Variants in DKK2 observed in about 807,000 individuals in gnomAD.
DKK2 encodes dickkopf-related protein 2.
In DKK2, 11 loss-of-function variants were observed where a neutral mutation model predicts 28.1. That is an observed-to-expected ratio of 0.39 (90% confidence interval 0.25 to 0.65). The LOEUF (loss-of-function observed/expected upper bound fraction) is 0.65. Ranked by LOEUF, DKK2 falls within the 30% of genes least tolerant of loss-of-function variation. The pLI is 0.47. For synonymous variants in DKK2, 135 were observed against 126.5 expected, an observed-to-expected ratio of 1.07 and a Z score of -0.45; for missense variants, 326 against 335.5, an observed-to-expected ratio of 0.97 and a Z score of 0.22.
intron 1 of DKK2, among the ~76,000 whole-genome samples, chr4:106,950,568 GTTCT>G (rs779241822): frequency 5.9e-5 from 9 of 151,766 alleles, no homozygotes; most frequent in Non-Finnish European, 1.2e-4. Flanking sequence ...GTGCTTCTAG[GTTCT>G]TTCTTACTAC....
intron 1 of DKK2, among the ~76,000 whole-genome samples, chr4:106,929,944 G>A (rs897731980): frequency 1.3e-5 from 2 of 152,112 alleles, no homozygotes; most frequent in Admixed American, 6.6e-5. Flanking sequence ...TTAATAGTGA[G>A]AGTTTAAAGG....
At chr4:106,925,757 TGAAAA>T (rs1434211208) in intron 2 of DKK2, 37 bp downstream of exon 2, 1 of 1,570,380 alleles carries the variant, frequency 6.4e-7, no homozygotes, top group Admixed American at 1.9e-5. Context: ...CTTATGATGA[TGAAAA>T]GAAAGAGGCC....
chr4:106,958,502 T>A (rs1454364291), intron 1 of DKK2, among the ~76,000 whole-genome samples: 1 of 152,018 alleles, frequency 6.6e-6, no homozygotes, highest in Admixed American at 6.6e-5. Flanking sequence ...TATGGGGGCA[T>A]GCCAAGCAGT....
chr4:106,962,489 CTATGTGTG>C (rs1425434964), intron 1 of DKK2, among the ~76,000 whole-genome samples: 23 of 112,990 alleles, frequency 2.0e-4, no homozygotes, highest in African/African-American at 4.1e-4. Context: ...GCCAGAAAAA[CTATGTGTG>C]TGTGTGTGTG....
intron 1 of DKK2, among the ~76,000 whole-genome samples, chr4:107,030,210 T>C (rs1353101497): frequency 6.6e-6 from 1 of 152,124 alleles, no homozygotes; most frequent in Non-Finnish European, 1.5e-5. Context: ...ATCGACTGAC[T>C]TCTTTGAAAG....
chr4:106,942,017 A>T (rs1396258384), intron 1 of DKK2, among the ~76,000 whole-genome samples: 1 of 152,172 alleles, frequency 6.6e-6, no homozygotes, highest in Non-Finnish European at 1.5e-5. Context: ...TCACAAGGGC[A>T]AAAGAGATTT....
chr4:106,972,403 G>C (rs1023480277), intron 1 of DKK2, among the ~76,000 whole-genome samples: 1 of 149,478 alleles, frequency 6.7e-6, no homozygotes, highest in African/African-American at 2.5e-5. Context: ...TATCTTTCCA[G>C]GTTTAACAAT....
intron 1 of DKK2, among the ~76,000 whole-genome samples, chr4:106,990,762 G>C (rs1292323380): frequency 6.6e-6 from 1 of 152,010 alleles, no homozygotes; most frequent in African/African-American, 2.4e-5. Context: ...GAAAGCAGCT[G>C]ATGCATTTCC....
At chr4:106,983,368 GAAGAAAGAA>G (rs1469856955) in intron 1 of DKK2, among the ~76,000 whole-genome samples, 7 of 92,660 alleles carry the variant, frequency 7.6e-5, no homozygotes, top group African/African-American at 2.5e-4. Flanking sequence ...AAGAAAGAAA[GAAGAAAGAA>G]AAGAAAGAAA....
At chr4:107,027,358 T>C (rs971344016) in intron 1 of DKK2, among the ~76,000 whole-genome samples, 11 of 152,158 alleles carry the variant, frequency 7.2e-5, no homozygotes, top group African/African-American at 2.2e-4. Context: ...TTCCAATATG[T>C]TAAATGAAAT....
chr4:106,937,831 C>T (rs1033391552), intron 1 of DKK2, among the ~76,000 whole-genome samples: 19 of 151,960 alleles, frequency 1.3e-4, no homozygotes, highest in Non-Finnish European at 2.4e-4. Context: ...AACCGGTCAA[C>T]TACATGGAAA....
intron 1 of DKK2, among the ~76,000 whole-genome samples, chr4:106,953,838 T>C (rs1237457788): frequency 6.6e-6 from 1 of 152,216 alleles, no homozygotes; most frequent in Non-Finnish European, 1.5e-5. Context: ...TTCAAATTTC[T>C]ATTCATTTAC....
intron 1 of DKK2, among the ~76,000 whole-genome samples, chr4:107,011,103 T>A (rs1031565797): frequency 3.3e-5 from 5 of 151,270 alleles, no homozygotes; most frequent in African/African-American, 1.2e-4. Context: ...AGGGGAGGAG[T>A]ATTTTAATAG....
At chr4:106,998,342 A>G (rs1352154366) in intron 1 of DKK2, among the ~76,000 whole-genome samples, 2 of 152,182 alleles carry the variant, frequency 1.3e-5, no homozygotes, top group African/African-American at 4.8e-5. Flanking sequence ...AGAAGTATAC[A>G]TAAAATGTTT....
chr4:107,035,687 G>T lies in DKK2; in HGVS notation c.-96C>A. ...CAACACGGGGCCCCTCACTTGGGTC[G>T]CGGGGGCTTGCAGATTGTGTTCCCT... On this transcript the variant is annotated 5_prime_UTR_variant, in exon 1 of 4. Transcript: ENST00000285311. 7.8e-7 allele frequency: 1 copy of T among 1,288,752 alleles called. No homozygotes were observed. The highest frequency in any genetic ancestry group is 1.1e-6 in the Non-Finnish European group (1 of 918,124). The allele number at this position is 1,288,752 out of a possible 1,614,324, so 79.8% of individuals were successfully genotyped here. A position where few individuals can be genotyped will look rare whatever the true frequency, so the allele number is the denominator to read the frequency against.
At chr4:106,935,372 C>T (rs942378502) in intron 1 of DKK2, among the ~76,000 whole-genome samples, 2 of 152,194 alleles carry the variant, frequency 1.3e-5, no homozygotes, top group South Asian at 2.1e-4. Flanking sequence ...CCTGGAAAAT[C>T]GGGTCACTCC....
intron 1 of DKK2, among the ~76,000 whole-genome samples, chr4:107,022,767 A>C (rs1315634391): frequency 6.6e-6 from 1 of 152,116 alleles, no homozygotes; most frequent in African/African-American, 2.4e-5. Flanking sequence ...GCAATGAAAA[A>C]TTGGGAGAGC....
chr4:107,022,237 G>A (rs963385005), intron 1 of DKK2, among the ~76,000 whole-genome samples: 13 of 152,088 alleles, frequency 8.5e-5, no homozygotes, highest in Non-Finnish European at 1.0e-4. Flanking sequence ...TGCTTCAAGT[G>A]CACTACATTT....
intron 1 of DKK2, among the ~76,000 whole-genome samples, chr4:106,998,145 C>G (rs965320523): frequency 5.9e-5 from 9 of 152,104 alleles, no homozygotes; most frequent in Non-Finnish European, 1.5e-5. Context: ...CTTGAAATAT[C>G]CAAGCAAAGG....
Sources: allele counts gnomAD v4.1 joint callset (sites outside exome capture counted in the v4.1 genomes callset), GRCh38; gene constraint gnomAD v4.1.1; transcripts MANE v1.5; gene names NCBI Gene and HGNC (gene_info 2026-07-23, HGNC 2026-07-21).